The following SLC1A6 variants were observed in gnomAD, a reference collection of about 807,000 sequenced individuals.
SLC1A6 encodes the protein solute carrier family 1 member 6.
A neutral mutation model predicts 42.1 loss-of-function variants in SLC1A6; 15 were observed. The observed-to-expected ratio is 0.36, with a 90% CI of 0.24 to 0.55. SLC1A6 has a LOEUF of 0.55. Ranked by LOEUF, SLC1A6 falls within the 20% of genes least tolerant of loss-of-function variation. The probability of loss-of-function intolerance (pLI) is 0.88; values close to 1 mark genes in which losing one functional copy is unlikely to be tolerated. For synonymous variants in SLC1A6, 317 were observed against 319.7 expected (o/e 0.99, Z 0.09); for missense variants, 542 against 772.5 (o/e 0.70, Z 3.54).
At chr19:14,989,739 C>T (rs1343739115) in intron 1 of SLC1A6, among the ~76,000 whole-genome samples, 1 of 89,314 alleles carries the variant, frequency 1.1e-5, no homozygotes, top group Non-Finnish European at 2.2e-5. Context: ...CTTTGGGAGG[C>T]TGAGTGGGGT....
At chr19:15,008,828 A>C (rs1228674376) in intron 1 of SLC1A6, among the ~76,000 whole-genome samples, 4 of 137,332 alleles carry the variant, frequency 2.9e-5, no homozygotes, top group African/African-American at 1.2e-4. Context: ...CCACTAAAAA[A>C]ACAAAAATAA....
At chr19:15,001,809 A>T (rs1909590783) in intron 1 of SLC1A6, among the ~76,000 whole-genome samples, 1 of 152,042 alleles carries the variant, frequency 6.6e-6, no homozygotes, top group Non-Finnish European at 1.5e-5. Flanking sequence ...CCACAGGCAC[A>T]CACCATAATG....
chr19:14,950,785 A>G (rs1406963814), intron 9 of SLC1A6, among the ~76,000 whole-genome samples: 1 of 151,946 alleles, frequency 6.6e-6, no homozygotes, highest in Non-Finnish European at 1.5e-5. Context: ...TACATAGAAT[A>G]ACTTTAAAAC....
chr19:15,010,194 A>AG (rs1479661053), intron 1 of SLC1A6, among the ~76,000 whole-genome samples: 10 of 110,988 alleles, frequency 9.0e-5, no homozygotes, highest in Non-Finnish European at 1.7e-4. Context: ...AAAAAAAAAA[A>AG]AAAGAAAGAA....
chr19:14,967,819 C>T (rs1418712106), intron 4 of SLC1A6, among the ~76,000 whole-genome samples: 3 of 152,202 alleles, frequency 2.0e-5, no homozygotes, highest in African/African-American at 7.2e-5. Context: ...GCCATAACTA[C>T]AGCTTTGATT....
rs56926151 is a variant in SLC1A6, at chr19:14,998,855, C to CATTTATTTATTTATTT, written c.6+11614_6+11629dup. Among the ~76,000 whole-genome samples, 402 of 128,220 alleles carry CATTTATTTATTTATTT rather than the reference C, an allele frequency of 3.1e-3. 2 individuals carry two copies. Among genetic ancestry groups the CATTTATTTATTTATTT allele is most frequent in the South Asian group, 7.9e-3 (32 of 4,064 alleles). 84.1% of individuals were successfully genotyped at this position (128,220 alleles called of 152,430 possible). On this transcript the variant is annotated intron_variant, in intron 1 of 8. Transcript: ENST00000430939. ...GAACCTTTTTAAGTCTGATAAGAAA[C>CATTTATTTATTTATTT]ATTTATTTATTTATTTATTTATTTA...
At chr19:14,971,159 G>A (rs75555164) in intron 3 of SLC1A6, among the ~76,000 whole-genome samples, 6,329 of 152,236 alleles carry the variant, frequency 0.042, 274 homozygotes, top group African/African-American at 0.1. Context: ...GTTATATGTG[G>A]ATTTTTTACT....
At chr19:14,971,448 T>G (rs1042612245) in intron 3 of SLC1A6, among the ~76,000 whole-genome samples, 1 of 152,050 alleles carries the variant, frequency 6.6e-6, no homozygotes, top group Non-Finnish European at 1.5e-5. Context: ...TCCAAGACTT[T>G]CTCTCACTTC....
chr19:14,968,957 A>C (rs925564080), intron 3 of SLC1A6, among the ~76,000 whole-genome samples: 1 of 151,908 alleles, frequency 6.6e-6, no homozygotes, highest in Admixed American at 6.6e-5. Flanking sequence ...CTGCTGCCTC[A>C]GCCTTCCGAG....
upstream of SLC1A6, among the ~76,000 whole-genome samples, chr19:14,982,187 G>C (rs1474082024): frequency 6.6e-6 from 1 of 152,162 alleles, no homozygotes; most frequent in Non-Finnish European, 1.5e-5. Flanking sequence ...AAGGATATAA[G>C]GAAAAAATTA....
intron 1 of SLC1A6, among the ~76,000 whole-genome samples, chr19:14,999,003 G>A (rs943901620): frequency 3.3e-5 from 5 of 151,708 alleles, no homozygotes; most frequent in African/African-American, 7.3e-5. Flanking sequence ...TCAGCCTCCC[G>A]AGTAGCTGGG....
chr19:14,980,654 C>CAAA (rs35361239), upstream of SLC1A6, among the ~76,000 whole-genome samples: 14 of 125,410 alleles, frequency 1.1e-4, no homozygotes, highest in African/African-American at 3.4e-4. Flanking sequence ...GAGACTCCGT[C>CAAA]AAAAAAAAAA....
At chr19:14,954,493 TG>T (rs1462489961) in intron 7 of SLC1A6, among the ~76,000 whole-genome samples, 164 bp from the exon 8 acceptor site, 1 of 150,182 alleles carries the variant, frequency 6.7e-6, no homozygotes, top group African/African-American at 2.5e-5. Context: ...TGGGTAGGGC[TG>T]GGTCACATGG....
chr19:15,009,921 T>A (rs927412709), intron 1 of SLC1A6, among the ~76,000 whole-genome samples: 4 of 152,028 alleles, frequency 2.6e-5, no homozygotes, highest in Admixed American at 2.0e-4. Context: ...GGCTCACGCC[T>A]GTAATGCCAG....
intron 1 of SLC1A6, among the ~76,000 whole-genome samples, chr19:14,997,533 G>A (rs554121590): frequency 1.1e-4 from 17 of 152,102 alleles, no homozygotes; most frequent in Non-Finnish European, 2.1e-4. Context: ...AGATTAAGGC[G>A]GGAAACCAGG....
intron 1 of SLC1A6, among the ~76,000 whole-genome samples, chr19:14,992,045 T>C (rs538207020): frequency 7.9e-4 from 120 of 152,198 alleles, no homozygotes; most frequent in African/African-American, 2.8e-3. Context: ...AGGCTGGTCT[T>C]GAACTCCTGA....
At chr19:14,952,491 C>T (rs560394269) in intron 9 of SLC1A6, among the ~76,000 whole-genome samples, 1 of 151,584 alleles carries the variant, frequency 6.6e-6, no homozygotes, top group South Asian at 2.1e-4. Context: ...AGGAGGCAAT[C>T]TCATCTCACT....
Position 14,952,917 on chromosome 19 carries a change from A to T in SLC1A6, c.1499+11T>A. On this transcript the variant is annotated intron_variant, in intron 9 of 9. Transcript: ENST00000594383. ...GCAGGAGCACCAGGGTCCAGCCTAG[A>T]GAACACTCACAGGAACCAGTCCACG... 1.2e-6 allele frequency: 2 copies of T among 1,613,068 alleles called. No individual in the cohort carries two copies. The highest frequency in any genetic ancestry group is 1.1e-5 in the South Asian group (1 of 90,896).
At chr19:14,956,284 G>A (rs1424683691) in intron 7 of SLC1A6, among the ~76,000 whole-genome samples, 192 bp downstream of exon 7, 1 of 152,126 alleles carries the variant, frequency 6.6e-6, no homozygotes, top group Non-Finnish European at 1.5e-5. Context: ...AACAGGAAAG[G>A]AGAAAAGGAG....
Sources: gnomAD v4.1 joint callset for allele counts (sites outside exome capture counted in the v4.1 genomes callset) on GRCh38, gnomAD v4.1.1 for gene constraint, MANE v1.5 for transcripts, NCBI Gene and HGNC (gene_info 2026-07-23, HGNC 2026-07-21) for gene names.